The following SPOP variants were observed in gnomAD, a reference collection of about 807,000 sequenced individuals.
SPOP encodes the protein speckle type BTB/POZ protein, also known as speckle-type POZ protein.
In SPOP, 11 loss-of-function variants were observed where a neutral mutation model predicts 45.6. The ratio of observed to expected loss-of-function variants is 0.24; its 90% CI spans 0.15 to 0.40. The LOEUF (loss-of-function observed/expected upper bound fraction) is 0.40, where lower values mean the gene tolerates loss of function less well. Among genes scored for constraint, SPOP ranks in the 10% least tolerant of loss-of-function variants. The pLI, the probability that SPOP is intolerant of heterozygous loss-of-function variation, is 1.00. For synonymous variants in SPOP, 166 were observed against 166.3 expected, an observed-to-expected ratio of 1.00 and a Z score of 0.01; for missense variants, 152 against 465.6, an observed-to-expected ratio of 0.33 and a Z score of 6.20.
intron 1 of SPOP, among the ~76,000 whole-genome samples, chr17:49,676,705 T>C (rs1025971706): frequency 6.6e-6 from 1 of 152,194 alleles, no homozygotes; most frequent in African/African-American, 2.4e-5. Context: ...CTAGAAAATC[T>C]TTTGCTATTA....
chr17:49,627,671 T>C (rs771840935), intron 1 of SPOP, among the ~76,000 whole-genome samples: 4 of 152,236 alleles, frequency 2.6e-5, no homozygotes, highest in Non-Finnish European at 5.9e-5. Flanking sequence ...CAAATTTTAA[T>C]AACTGGTTTA....
intron 7 of SPOP, 132 bp from the exon 8 acceptor site, chr17:49,607,504 T>G: frequency 8.3e-7 from 1 of 1,207,570 alleles, no homozygotes; most frequent in Non-Finnish European, 1.1e-6. Context: ...AATGGAAAAT[T>G]TCTTTGCCCG....
chr17:49,676,916 A>C (rs1386634988), intron 1 of SPOP, among the ~76,000 whole-genome samples: 1 of 152,130 alleles, frequency 6.6e-6, no homozygotes, highest in Non-Finnish European at 1.5e-5. Flanking sequence ...TAAAACCTCC[A>C]CTGAATAAGT....
At chr17:49,659,410 C>T (rs968208851) in intron 1 of SPOP, among the ~76,000 whole-genome samples, 7 of 152,184 alleles carry the variant, frequency 4.6e-5, no homozygotes, top group South Asian at 2.1e-4. Context: ...TGCTAATGGA[C>T]GGATCATTCA....
At chr17:49,663,433 G>C (rs574317886) in intron 1 of SPOP, among the ~76,000 whole-genome samples, 1 of 152,344 alleles carries the variant, frequency 6.6e-6, no homozygotes, top group East Asian at 1.9e-4. Flanking sequence ...TTACTCATCA[G>C]CATAAGTAAT....
chr17:49,605,028 T>C (rs951437909), intron 8 of SPOP, among the ~76,000 whole-genome samples: 1 of 152,198 alleles, frequency 6.6e-6, no homozygotes, highest in Non-Finnish European at 1.5e-5. Flanking sequence ...AACTCAGTAT[T>C]TTTCATAAGA....
At position 49,601,849 on chromosome 17, in the gene SPOP, G is replaced by A; in HGVS notation, c.980+16C>T. On this transcript the variant is annotated intron_variant, in intron 9 of 9. Coordinates refer to ENST00000504102, the MANE Select transcript of SPOP (RefSeq NM_001007228.2). Reference sequence around the variant, plus strand: ...CCAACTATTTTGAAAGAAGAACTTTGAAGATGCCAACTCACTAGTTGATGA... The same window carrying A: ...CCAACTATTTTGAAAGAAGAACTTTAAAGATGCCAACTCACTAGTTGATGA... The A allele has an allele frequency of 6.2e-7, 1 of 1,612,230 alleles. No homozygotes were observed. The highest frequency in any genetic ancestry group is 1.1e-5 in the South Asian group (1 of 90,936).
chr17:49,677,640 C>T (rs1342522216), intron 1 of SPOP, among the ~76,000 whole-genome samples: 2 of 149,968 alleles, frequency 1.3e-5, no homozygotes, highest in Non-Finnish European at 2.9e-5. Context: ...CATCTCGCCG[C>T]AGGCGACAGC....
chr17:49,600,327 C>T lies in SPOP; in HGVS notation c.*51G>A. The T allele has an allele frequency of 4.3e-6, 7 of 1,610,044 alleles. No homozygotes were observed. The highest frequency in any genetic ancestry group is 5.9e-6 in the Non-Finnish European group (7 of 1,177,956). On this transcript the variant is annotated 3_prime_UTR_variant, in exon 10 of 10. Transcript: ENST00000504102. The surrounding 1 kb of genome is among the most constrained non-coding windows in gnomAD (Gnocchi z 4.2). ...TCTACCTGGTGGTCAGTGGCAGCAA[C>T]AGTGGCTGCTGCTTCTGGAAATTAA...
At chr17:49,664,503 T>C (rs1023311322) in intron 1 of SPOP, among the ~76,000 whole-genome samples, 2 of 152,256 alleles carry the variant, frequency 1.3e-5, no homozygotes, top group Non-Finnish European at 2.9e-5. Context: ...TCTTCCATTT[T>C]AATATCTAAT....
intron 5 of SPOP, among the ~76,000 whole-genome samples, chr17:49,613,948 A>G (rs933916045): frequency 2.0e-5 from 3 of 152,192 alleles, no homozygotes; most frequent in African/African-American, 7.2e-5. Context: ...TGACTGTGAC[A>G]TTTATGTCAT....
At chr17:49,659,600 T>C (rs1350944388) in intron 1 of SPOP, among the ~76,000 whole-genome samples, 2 of 152,190 alleles carry the variant, frequency 1.3e-5, no homozygotes, top group Admixed American at 6.5e-5. Flanking sequence ...CTAGTTTCCA[T>C]ATCTCCAGTT....
intron 5 of SPOP, 119 bp downstream of exon 5, chr17:49,618,862 T>G (rs944177418): frequency 8.2e-7 from 1 of 1,220,442 alleles, no homozygotes. Flanking sequence ...ATAACATTTG[T>G]GCAGCACTAC....
rs540584208 is a variant in SPOP, at chr17:49,630,691, A to G, written c.-66-7815T>C. Among the ~76,000 whole-genome samples the G allele has an allele frequency of 2.6e-5, 4 of 152,288 alleles. No individual in the cohort carries two copies. In the South Asian group the frequency reaches 8.3e-4, roughly 32 times the overall value. On this transcript the variant is annotated intron_variant, in intron 1 of 9. Coordinates refer to ENST00000504102, the MANE Select transcript of SPOP (RefSeq NM_001007228.2). ...GGTCTCAAGCTCTTGGCCCCAGGCAATCCTCCTGCCTTGGCTTCTCAAAGC... is the reference window on the plus strand; with the variant it reads ...GGTCTCAAGCTCTTGGCCCCAGGCAGTCCTCCTGCCTTGGCTTCTCAAAGC...
rs558722708 is a variant in SPOP at position 49,637,232 on chromosome 17, C to CA, written c.-66-14357dup. Among the ~76,000 whole-genome samples the CA allele has an allele frequency of 3.1e-3, 469 of 151,612 alleles. 2 individuals carry two copies. The highest frequency in any genetic ancestry group is 9.7e-3 in the African/African-American group (402 of 41,316). ...TCTGGGTGACAGAGTGATACTCTCT[C>CA]AAAAAAAACAAACAAAAAAATTACC... is the stretch of plus-strand genomic sequence containing the variant. On this transcript the variant is annotated intron_variant, in intron 1 of 9. Coordinates refer to ENST00000504102, the MANE Select transcript of SPOP (RefSeq NM_001007228.2).
At chr17:49,625,527 G>A (rs1238610089) in intron 1 of SPOP, among the ~76,000 whole-genome samples, 3 of 152,190 alleles carry the variant, frequency 2.0e-5, no homozygotes, top group African/African-American at 7.2e-5. Context: ...AGAATCGCTT[G>A]AACCTGGGAG....
chr17:49,656,418 G>A (rs1414936900), intron 1 of SPOP, among the ~76,000 whole-genome samples: 1 of 152,066 alleles, frequency 6.6e-6, no homozygotes, highest in East Asian at 1.9e-4. Flanking sequence ...CACAACTTCA[G>A]ATGTACTAAA....
chr17:49,657,262 A>G (rs991605239), intron 1 of SPOP, among the ~76,000 whole-genome samples: 1 of 152,126 alleles, frequency 6.6e-6, no homozygotes, highest in South Asian at 2.1e-4. Context: ...CTGTTTACAT[A>G]TTTTTTCAAT....
intron 1 of SPOP, among the ~76,000 whole-genome samples, chr17:49,629,728 A>G (rs1184299315): frequency 6.6e-6 from 1 of 152,224 alleles, no homozygotes; most frequent in East Asian, 1.9e-4. Flanking sequence ...CACTTTTTAA[A>G]TCTTTCACTT....
Sources: allele counts gnomAD v4.1 joint callset (sites outside exome capture counted in the v4.1 genomes callset), GRCh38; gene constraint gnomAD v4.1.1; non-coding constraint Gnocchi (gnomAD v3.1); transcripts MANE v1.5; gene names NCBI Gene and HGNC (gene_info 2026-07-23, HGNC 2026-07-21).